The following CTNNA3 variants were observed in gnomAD, a reference collection of about 807,000 sequenced individuals.
The protein encoded by CTNNA3 is catenin alpha 3, also known as catenin alpha-3.
In CTNNA3, 76 loss-of-function variants were observed where a neutral mutation model predicts 95.7. That is an observed-to-expected ratio of 0.79 (90% confidence interval 0.66 to 0.96). The LOEUF is 0.96. Among genes scored for constraint, CTNNA3 ranks in the 40% least tolerant of loss-of-function variants. The probability of loss-of-function intolerance (pLI) is 0.00; values close to 1 mark genes in which losing one functional copy is unlikely to be tolerated. For synonymous variants in CTNNA3, 431 were observed against 374.4 expected, an observed-to-expected ratio of 1.15 and a Z score of -1.74; for missense variants, 1,191 against 1,089.8, an observed-to-expected ratio of 1.09 and a Z score of -1.31.
chr10:66,389,388 T>C (rs960965275), intron 11 of CTNNA3, among the ~76,000 whole-genome samples: 1 of 152,150 alleles, frequency 6.6e-6, no homozygotes, highest in South Asian at 2.1e-4. Context: ...GCTTAACATT[T>C]GCTCTGAGGT....
At chr10:67,031,105 T>C (rs1007143461) in intron 7 of CTNNA3, among the ~76,000 whole-genome samples, 2 of 152,208 alleles carry the variant, frequency 1.3e-5, no homozygotes, top group African/African-American at 4.8e-5. Context: ...CACATGTTTG[T>C]AAAGAGTTTA....
rs186578176 is a variant in CTNNA3, at chr10:67,627,212, G to T, written c.100-20163C>A. ...TGGTCCAGCTCTGCCTCCTGGTCATGCTGAGAGGGGTCAGATCCTCCCAAC... is the reference window on the plus strand; with the variant it reads ...TGGTCCAGCTCTGCCTCCTGGTCATTCTGAGAGGGGTCAGATCCTCCCAAC... On this transcript the variant is annotated intron_variant, in intron 2 of 17. Coordinates refer to ENST00000433211, the MANE Select transcript of CTNNA3 (RefSeq NM_013266.4). Among the ~76,000 whole-genome samples, 17 of 152,260 alleles carry T rather than the reference G, an allele frequency of 1.1e-4. No individual in the cohort carries two copies. The East Asian group carries it at 3.3e-3, about 29-fold the overall frequency.
intron 5 of CTNNA3, among the ~76,000 whole-genome samples, chr10:67,472,736 C>G (rs1053018220): frequency 6.6e-6 from 1 of 152,148 alleles, no homozygotes; most frequent in Non-Finnish European, 1.5e-5. Flanking sequence ...AGTAGCCTTC[C>G]TTTTGTTCCT....
intron 2 of CTNNA3, among the ~76,000 whole-genome samples, chr10:67,636,859 T>G (rs1839332835): frequency 6.6e-6 from 1 of 152,024 alleles, no homozygotes; most frequent in African/African-American, 2.4e-5. Flanking sequence ...CAAAACCCCA[T>G]CTGTACGTCA....
At chr10:67,516,087 C>T (rs1055859492) in intron 5 of CTNNA3, among the ~76,000 whole-genome samples, 2 of 152,130 alleles carry the variant, frequency 1.3e-5, no homozygotes, top group African/African-American at 2.4e-5. Flanking sequence ...CTCAGCCTCC[C>T]GAGTAGCTGC....
chr10:67,063,129 C>G (rs1194209070), intron 7 of CTNNA3, among the ~76,000 whole-genome samples: 1 of 152,144 alleles, frequency 6.6e-6, no homozygotes, highest in Non-Finnish European at 1.5e-5. Flanking sequence ...AACTCATTAT[C>G]AGACTACCAG....
intron 5 of CTNNA3, among the ~76,000 whole-genome samples, chr10:67,268,385 G>A (rs1589109172): frequency 5.4e-5 from 8 of 149,254 alleles, no homozygotes; most frequent in South Asian, 2.1e-4. Flanking sequence ...AGCCGTTAGC[G>A]GCGGCTCATG....
intron 17 of CTNNA3, among the ~76,000 whole-genome samples, chr10:65,938,706 A>T (rs1382310045): frequency 6.6e-6 from 1 of 152,094 alleles, no homozygotes; most frequent in Non-Finnish European, 1.5e-5. Flanking sequence ...ACAGAAGCCT[A>T]TAAGGCATCT....
intron 5 of CTNNA3, among the ~76,000 whole-genome samples, chr10:67,348,428 A>T (rs1317282626): frequency 1.3e-5 from 2 of 152,194 alleles, no homozygotes; most frequent in African/African-American, 4.8e-5. Flanking sequence ...CCATAAAGGA[A>T]TACCTGAGAC....
intron 15 of CTNNA3, among the ~76,000 whole-genome samples, chr10:66,003,466 G>A (rs1178277242): frequency 2.6e-5 from 4 of 151,968 alleles, no homozygotes; most frequent in Non-Finnish European, 4.4e-5. Flanking sequence ...CCCTTTACCT[G>A]TTAGTGTTGT....
intron 15 of CTNNA3, among the ~76,000 whole-genome samples, chr10:65,994,073 T>C (rs2078598088): frequency 6.6e-6 from 1 of 152,210 alleles, no homozygotes; most frequent in Non-Finnish European, 1.5e-5. Context: ...TTCAAAGTTA[T>C]TATTTATGTG....
intron 17 of CTNNA3, among the ~76,000 whole-genome samples, chr10:65,954,470 G>A (rs920928362): frequency 3.9e-5 from 6 of 152,160 alleles, no homozygotes; most frequent in African/African-American, 1.4e-4. Context: ...CCGTGCCTAT[G>A]TCCTGAATGG....
chr10:67,732,780 A>T (rs1487807787), intron 1 of CTNNA3, among the ~76,000 whole-genome samples: 1 of 152,118 alleles, frequency 6.6e-6, no homozygotes. Flanking sequence ...GTAAGCCTAT[A>T]AAAAAACTCA....
rs184632378 is a variant in CTNNA3 at position 66,534,659 on chromosome 10, T to G, written c.1375-13886A>C. On this transcript the variant is annotated intron_variant, in intron 10 of 17. Transcript: ENST00000433211. ...AACCCAATCTTTGTATCTTTTTATT[T>G]TAATCAGTCAAATTGGTAATATATA... Among the ~76,000 whole-genome samples the G allele has an allele frequency of 4.5e-3, 672 of 150,074 alleles. 4 individuals carry two copies. Among genetic ancestry groups the G allele is most frequent in the South Asian group, 0.012 (58 of 4,796 alleles).
chr10:66,650,499 A>G (rs1035741261), intron 9 of CTNNA3, among the ~76,000 whole-genome samples: 8 of 152,122 alleles, frequency 5.3e-5, no homozygotes, highest in African/African-American at 1.7e-4. Context: ...AAACAGCAAA[A>G]CTCATGATGT....
chr10:67,678,773 G>C (rs1314685651), intron 1 of CTNNA3, among the ~76,000 whole-genome samples: 1 of 152,122 alleles, frequency 6.6e-6, no homozygotes, highest in Admixed American at 6.6e-5. Flanking sequence ...GATGTTTAAA[G>C]AACACACAAA....
chr10:66,102,244 T>C (rs543031928), intron 14 of CTNNA3, among the ~76,000 whole-genome samples: 1 of 152,132 alleles, frequency 6.6e-6, no homozygotes, highest in African/African-American at 2.4e-5. Context: ...ATGATGATCA[T>C]GATAATCCTA....
chr10:67,179,855 C>T (rs940266556), intron 7 of CTNNA3, among the ~76,000 whole-genome samples: 3 of 151,992 alleles, frequency 2.0e-5, no homozygotes, highest in Non-Finnish European at 2.9e-5. Context: ...AACAAAAAAA[C>T]ATAACAACCT....
At chr10:67,735,818 G>T (rs547650216) in intron 1 of CTNNA3, among the ~76,000 whole-genome samples, 1 of 152,114 alleles carries the variant, frequency 6.6e-6, no homozygotes, top group East Asian at 1.9e-4. Flanking sequence ...ATATACCCAA[G>T]AGAATACCTG....
Sources: allele counts gnomAD v4.1 joint callset (sites outside exome capture counted in the v4.1 genomes callset), GRCh38; gene constraint gnomAD v4.1.1; transcripts MANE v1.5; gene names NCBI Gene and HGNC (gene_info 2026-07-23, HGNC 2026-07-21).